Variants in THRB observed in about 807,000 individuals in gnomAD.
The protein encoded by THRB is nuclear receptor subfamily 1 group A member 2.
THRB carries 12 observed loss-of-function variants against 47.8 expected under a neutral mutation model. The observed-to-expected ratio is 0.25, with a 90% confidence interval of 0.16 to 0.41. The LOEUF (loss-of-function observed/expected upper bound fraction) is 0.41. THRB is among the 10% of genes least tolerant of loss of function. The pLI, the probability that THRB is intolerant of heterozygous loss-of-function variation, is 1.00. For synonymous variants in THRB, 218 were observed against 212.2 expected, an observed-to-expected ratio of 1.03 and a Z score of -0.24; for missense variants, 348 against 589.2, an observed-to-expected ratio of 0.59 and a Z score of 4.24.
intron 1 of THRB, among the ~76,000 whole-genome samples, chr3:24,433,148 G>A (rs1354596715): frequency 1.3e-5 from 2 of 152,048 alleles, no homozygotes; most frequent in Non-Finnish European, 2.9e-5. Flanking sequence ...TTCTTCAGCT[G>A]TAAAATGGGA....
rs57275069 is a variant in THRB at position 24,254,199 on chromosome 3, T to TAAA, written c.-42-25201_-42-25199dup. The stretch of plus-strand genomic sequence containing the variant: ...TAACACAGTGAAACCCTGTCTCTAC[T>TAAA]AAAAAAAAAAAAAAAAAAAAAAAAA... On this transcript the variant is annotated intron_variant, in intron 3 of 10. Coordinates refer to ENST00000646209, the MANE Select transcript of THRB (RefSeq NM_001354712.2). Among the ~76,000 whole-genome samples, 5 of 34,618 alleles carry TAAA rather than the reference T, an allele frequency of 1.4e-4. 1 individual carries two copies. The highest frequency in any genetic ancestry group is 2.1e-4 in the Non-Finnish European group (4 of 19,006). The allele number at this position is 34,618 out of a possible 152,430, so 22.7% of individuals were successfully genotyped here. A position where few individuals can be genotyped will look rare whatever the true frequency, so the allele number is the denominator to read the frequency against.
chr3:24,478,688 C>T (rs547621581), intron 1 of THRB, among the ~76,000 whole-genome samples: 7 of 151,884 alleles, frequency 4.6e-5, no homozygotes, highest in Non-Finnish European at 1.0e-4. Context: ...TATTGGCCCA[C>T]GGAGCAGGAG....
intron 1 of THRB, chr3:24,458,511 G>A (rs563919957): frequency 1.3e-5 from 2 of 152,224 alleles, no homozygotes; most frequent in Admixed American, 6.5e-5. Flanking sequence ...AAACATTTTC[G>A]ATTCTTTCAG....
chr3:24,142,221 A>G (rs1307873926), intron 8 of THRB, among the ~76,000 whole-genome samples: 3 of 152,192 alleles, frequency 2.0e-5, no homozygotes, highest in African/African-American at 7.2e-5. Flanking sequence ...TAAAATGGAG[A>G]TATTAACCAC....
chr3:24,422,017 A>G (rs938405696), intron 1 of THRB, among the ~76,000 whole-genome samples: 1 of 151,990 alleles, frequency 6.6e-6, no homozygotes, highest in Non-Finnish European at 1.5e-5. Context: ...AGTAGCATTT[A>G]TGTGTCTGTC....
intron 2 of THRB, among the ~76,000 whole-genome samples, chr3:24,305,963 T>C (rs574328797): frequency 6.6e-6 from 1 of 152,294 alleles, no homozygotes; most frequent in South Asian, 2.1e-4. Flanking sequence ...CCTCCCCCAA[T>C]GGGCTTCTAA....
chr3:24,160,775 A>G (rs987413840), intron 5 of THRB, among the ~76,000 whole-genome samples: 3 of 152,276 alleles, frequency 2.0e-5, no homozygotes, highest in Non-Finnish European at 4.4e-5. Flanking sequence ...CTGAGAAAAA[A>G]GTGTTGTGCT....
chr3:24,313,926 G>A (rs1475114981), intron 2 of THRB, among the ~76,000 whole-genome samples: 2 of 152,168 alleles, frequency 1.3e-5, no homozygotes, highest in African/African-American at 4.8e-5. Flanking sequence ...CTAGAATGCT[G>A]TCTATAATAT....
At chr3:24,326,291 A>G (rs1201008508) in intron 2 of THRB, among the ~76,000 whole-genome samples, 1 of 152,202 alleles carries the variant, frequency 6.6e-6, no homozygotes, top group Non-Finnish European at 1.5e-5. Context: ...GCTGAAGTGC[A>G]ATGGCACAGT....
intron 3 of THRB, among the ~76,000 whole-genome samples, chr3:24,252,872 C>T (rs576468133): frequency 6.6e-6 from 1 of 152,088 alleles, no homozygotes; most frequent in South Asian, 2.1e-4. Context: ...AAAGGGTATC[C>T]AAAGAGTATC....
intron 8 of THRB, among the ~76,000 whole-genome samples, chr3:24,136,494 A>C (rs2034694048): frequency 6.6e-6 from 1 of 152,260 alleles, no homozygotes; most frequent in South Asian, 2.1e-4. Flanking sequence ...CCTATAACAA[A>C]AATACATAAT....
chr3:24,430,992 T>A (rs142588374), intron 1 of THRB: 2 of 152,120 alleles, frequency 1.3e-5, no homozygotes, highest in African/African-American at 4.8e-5. Flanking sequence ...TGTAACCATG[T>A]GCAGTTGTCC....
rs533426120 is a variant in THRB at position 24,117,952 on chromosome 3, C to T, written c.*4932G>A. ...GAAGATGAATGTTGTCCTTGAGCTG[C>T]AAAACTTCACCTCTCTCCTCCCTTC... On this transcript the variant is annotated 3_prime_UTR_variant, in exon 11 of 11. Coordinates refer to ENST00000646209, the MANE Select transcript of THRB (RefSeq NM_001354712.2). The T allele has an allele frequency of 6.6e-6, 1 of 152,294 alleles. No individual in the cohort carries two copies. Among genetic ancestry groups the T allele is most frequent in the East Asian group, 1.9e-4 (1 of 5,186 alleles). 9.4% of individuals were successfully genotyped at this position (152,294 alleles called of 1,614,324 possible). A position where few individuals can be genotyped will look rare whatever the true frequency, so the allele number is the denominator to read the frequency against.
chr3:24,154,132 C>T (rs1165504192), intron 5 of THRB, among the ~76,000 whole-genome samples: 2 of 152,076 alleles, frequency 1.3e-5, no homozygotes, highest in Non-Finnish European at 1.5e-5. Context: ...TAGTAATGTA[C>T]AGGATTATAT....
chr3:24,323,255 C>T (rs2058602183), intron 2 of THRB, among the ~76,000 whole-genome samples: 1 of 151,328 alleles, frequency 6.6e-6, no homozygotes, highest in African/African-American at 2.4e-5. Flanking sequence ...CCTGTTGTCT[C>T]TTTACTTTCT....
chr3:24,351,875 C>T (rs73043726), intron 1 of THRB, among the ~76,000 whole-genome samples: 2,028 of 152,272 alleles, frequency 0.013, 22 homozygotes, highest in South Asian at 0.033. Context: ...TTACAGGGAA[C>T]CCTATATACT....
intron 1 of THRB, among the ~76,000 whole-genome samples, chr3:24,476,961 A>T (rs948400667): frequency 2.0e-5 from 3 of 151,656 alleles, no homozygotes; most frequent in Admixed American, 2.0e-4. Flanking sequence ...AACACTGGCC[A>T]ATATATAAAA....
intron 5 of THRB, among the ~76,000 whole-genome samples, chr3:24,187,663 G>C (rs1021798948): frequency 1.3e-5 from 2 of 152,168 alleles, no homozygotes; most frequent in Admixed American, 6.5e-5. Flanking sequence ...AAGCATTCTT[G>C]TGGGATACAC....
chr3:24,131,250 A>G (rs2033819553), intron 9 of THRB, among the ~76,000 whole-genome samples: 1 of 152,226 alleles, frequency 6.6e-6, no homozygotes, highest in African/African-American at 2.4e-5. Flanking sequence ...AGACTAAAAT[A>G]GGTGCCAAAA....
Sources: gnomAD v4.1 joint callset for allele counts (sites outside exome capture counted in the v4.1 genomes callset) on GRCh38, gnomAD v4.1.1 for gene constraint, MANE v1.5 for transcripts, NCBI Gene and HGNC (gene_info 2026-07-23, HGNC 2026-07-21) for gene names.